The following MEGF9 variants were observed in gnomAD, a reference collection of about 807,000 sequenced individuals.
The protein encoded by MEGF9 is multiple epidermal growth factor-like domains protein 9.
In MEGF9, 6 loss-of-function variants were observed where a neutral mutation model predicts 46.8. The observed-to-expected ratio is 0.13, with a 90% CI of 0.07 to 0.25. The LOEUF is 0.25. MEGF9 is among the 10% of genes least tolerant of loss of function. The pLI is 1.00. For synonymous variants in MEGF9, 302 were observed against 330.7 expected, an observed-to-expected ratio of 0.91 and a Z score of 0.94; for missense variants, 683 against 792.4, an observed-to-expected ratio of 0.86 and a Z score of 1.66.
chr9:120,675,374 C>T (rs1283289268), intron 1 of MEGF9, among the ~76,000 whole-genome samples: 2 of 151,972 alleles, frequency 1.3e-5, no homozygotes, highest in African/African-American at 4.8e-5. Flanking sequence ...TCCCTTGAGC[C>T]CAGGAGTTCA....
intron 1 of MEGF9, among the ~76,000 whole-genome samples, chr9:120,680,535 C>G (rs905235705): frequency 6.6e-6 from 1 of 152,262 alleles, no homozygotes; most frequent in South Asian, 2.1e-4. Context: ...AACGCATGCA[C>G]CCCTGTGGCC....
intron 2 of MEGF9, among the ~76,000 whole-genome samples, chr9:120,628,468 G>GTTT (rs1170322238): frequency 0.03 from 2,105 of 69,068 alleles, 650 homozygotes; most frequent in East Asian, 0.047. Flanking sequence ...TCTTGTCGTT[G>GTTT]TTTTTTTTTT....
At chr9:120,704,403 T>G (rs1446707162) in intron 1 of MEGF9, among the ~76,000 whole-genome samples, 1 of 152,052 alleles carries the variant, frequency 6.6e-6, no homozygotes, top group African/African-American at 2.4e-5. Flanking sequence ...CCTTGTTATC[T>G]CCATGACCAT....
intron 1 of MEGF9, chr9:120,689,960 G>A: frequency 1.9e-6 from 1 of 532,518 alleles, no homozygotes; most frequent in South Asian, 1.4e-5. Flanking sequence ...TAAGATTCAT[G>A]ACTGGCTGTG....
intron 1 of MEGF9, among the ~76,000 whole-genome samples, chr9:120,696,397 A>G (rs898544401): frequency 6.6e-6 from 1 of 152,170 alleles, no homozygotes; most frequent in East Asian, 1.9e-4. Context: ...ACATTGTACT[A>G]GCTATGAAAC....
At position 120,604,793 on chromosome 9, in the gene MEGF9, T is replaced by C; in HGVS notation, c.*397A>G. 5.2e-6 allele frequency: 1 copy of C among 191,610 alleles called. No homozygotes were observed. The highest frequency in any genetic ancestry group is 2.4e-3 in the Middle Eastern group (1 of 416). 11.9% of individuals were successfully genotyped at this position (191,610 alleles called of 1,614,324 possible). On this transcript the variant is annotated 3_prime_UTR_variant, in exon 6 of 6. Coordinates refer to ENST00000373930, the MANE Select transcript of MEGF9 (RefSeq NM_001080497.3). ...CCCTGACACTGTTTTAAAAAAAATG[T>C]TTCAGGAATGGAGATGAAGTCTTCC...
At chr9:120,641,156 T>C (rs924964976) in intron 2 of MEGF9, among the ~76,000 whole-genome samples, 8 of 152,188 alleles carry the variant, frequency 5.3e-5, no homozygotes, top group African/African-American at 1.9e-4. Context: ...GTGAATAGCA[T>C]GCACTTAATC....
rs1279196223 is a variant in MEGF9, at chr9:120,602,023, T to A, written c.*3167A>T. 1 of 152,254 alleles carries A rather than the reference T, an allele frequency of 6.6e-6. No homozygotes were observed. The highest frequency in any genetic ancestry group is 1.5e-5 in the Non-Finnish European group (1 of 68,064). The allele number at this position is 152,254 out of a possible 1,614,324, so 9.4% of individuals were successfully genotyped here. On this transcript the variant is annotated 3_prime_UTR_variant, in exon 6 of 6. Transcript: ENST00000373930. Reference sequence around the variant, plus strand: ...TATTAGGCTTTCTTTTTCTTCCTTTTTTTTGAGACAGAGTCTTGCTCTGTC... The same window carrying A: ...TATTAGGCTTTCTTTTTCTTCCTTTATTTTGAGACAGAGTCTTGCTCTGTC...
chr9:120,680,518 G>A (rs186266947), intron 1 of MEGF9, among the ~76,000 whole-genome samples: 1 of 152,142 alleles, frequency 6.6e-6, no homozygotes, highest in Non-Finnish European at 1.5e-5. Context: ...GAAACTGGGG[G>A]TGTGGTAACG....
At chr9:120,622,095 G>C (rs1272676917) in intron 3 of MEGF9, among the ~76,000 whole-genome samples, 1 of 152,212 alleles carries the variant, frequency 6.6e-6, no homozygotes, top group Non-Finnish European at 1.5e-5. Context: ...GAAAGAGAAA[G>C]AGATTTTTTT....
chr9:120,606,712 G>A (rs1203332176), intron 5 of MEGF9, among the ~76,000 whole-genome samples: 1 of 151,964 alleles, frequency 6.6e-6, no homozygotes, highest in African/African-American at 2.4e-5. Context: ...TGAGTTCTTG[G>A]GAAGGATTAA....
At chr9:120,624,640 G>T (rs890934287) in intron 2 of MEGF9, among the ~76,000 whole-genome samples, 1 of 152,176 alleles carries the variant, frequency 6.6e-6, no homozygotes, top group Non-Finnish European at 1.5e-5. Context: ...GCTGAGGTGG[G>T]TGGGTCACTT....
At position 120,705,763 on chromosome 9, in the gene MEGF9, A is replaced by C. The variant is rs188144272; in HGVS notation, c.601+7995T>G. On this transcript the variant is annotated intron_variant, in intron 1 of 5. Coordinates refer to ENST00000373930, the MANE Select transcript of MEGF9 (RefSeq NM_001080497.3). The stretch of plus-strand genomic sequence containing the variant: ...TATCTTCTTCATCACATTTTTAGAA[A>C]TCCTCCTTTAAAGTTACCAGGGCAG... Among the ~76,000 whole-genome samples, 358 of 152,266 alleles carry C rather than the reference A, an allele frequency of 2.4e-3. 2 individuals are homozygous for C. Among genetic ancestry groups the C allele is most frequent in the African/African-American group, 8.3e-3 (347 of 41,560 alleles).
chr9:120,656,607 G>T (rs1267825667), intron 2 of MEGF9, among the ~76,000 whole-genome samples: 2 of 151,342 alleles, frequency 1.3e-5, no homozygotes, highest in African/African-American at 2.4e-5. Flanking sequence ...TTAGTAGAGT[G>T]CCCTAGCATA....
intron 1 of MEGF9, among the ~76,000 whole-genome samples, chr9:120,697,645 G>C (rs2043883945): frequency 6.6e-6 from 1 of 152,058 alleles, no homozygotes; most frequent in African/African-American, 2.4e-5. Context: ...ATTCAGTTCT[G>C]CTTTACATTT....
intron 1 of MEGF9, among the ~76,000 whole-genome samples, chr9:120,670,728 G>A (rs2043745212): frequency 6.6e-6 from 1 of 151,890 alleles, no homozygotes; most frequent in African/African-American, 2.4e-5. Flanking sequence ...CTCCTTCCAA[G>A]ACCAAACAAT....
chr9:120,639,539 G>A (rs530180654), intron 2 of MEGF9, among the ~76,000 whole-genome samples: 97 of 147,536 alleles, frequency 6.6e-4, no homozygotes, highest in Admixed American at 1.1e-3. Flanking sequence ...AAAAAGATAG[G>A]AACTCTGGAG....
At chr9:120,621,277 C>T (rs1167580947) in intron 3 of MEGF9, among the ~76,000 whole-genome samples, 1 of 152,180 alleles carries the variant, frequency 6.6e-6, no homozygotes, top group Admixed American at 6.5e-5. Flanking sequence ...TATCACTTTC[C>T]TCTCTTTTTA....
Position 120,604,221 on chromosome 9 carries a change from G to T in MEGF9, c.*969C>A, listed in dbSNP as rs187100079. 1 of 152,414 alleles carries T rather than the reference G, an allele frequency of 6.6e-6. No individual in the cohort carries two copies. The highest frequency in any genetic ancestry group is 1.9e-4 in the East Asian group (1 of 5,164). 9.4% of individuals were successfully genotyped at this position (152,414 alleles called of 1,614,324 possible). ...TGAGAAAGGAAAGAAAGAAACATTC[G>T]ACCTCTTATAAATTTCAGCAATGTC... is the stretch of plus-strand genomic sequence containing the variant. On this transcript the variant is annotated 3_prime_UTR_variant, in exon 6 of 6. Coordinates refer to ENST00000373930, the MANE Select transcript of MEGF9 (RefSeq NM_001080497.3).
Sources: gnomAD v4.1 joint callset for allele counts (sites outside exome capture counted in the v4.1 genomes callset) on GRCh38, gnomAD v4.1.1 for gene constraint, MANE v1.5 for transcripts, NCBI Gene and HGNC (gene_info 2026-07-23, HGNC 2026-07-21) for gene names.